The following FBXO40 variants were observed in gnomAD, a reference collection of about 807,000 sequenced individuals.
FBXO40 encodes F-box only protein 40.
In FBXO40, 50 loss-of-function variants were observed where a neutral mutation model predicts 49.9. The observed-to-expected ratio is 1.00, with a 90% CI of 0.80 to 1.27. The LOEUF is 1.27. FBXO40 is among the 50% of genes most tolerant of loss of function. The pLI, the probability that FBXO40 is intolerant of heterozygous loss-of-function variation, is 0.00. For synonymous variants in FBXO40, 340 were observed against 320.2 expected, an observed-to-expected ratio of 1.06 and a Z score of -0.66; for missense variants, 895 against 870.1, an observed-to-expected ratio of 1.03 and a Z score of -0.36.
intron 1 of FBXO40, among the ~76,000 whole-genome samples, chr3:121,595,982 G>A (rs115814694): frequency 3.7e-3 from 567 of 152,236 alleles, no homozygotes; most frequent in Non-Finnish European, 5.9e-3. Context: ...GTGCTGAGAG[G>A]GCCCCTTGCC....
intron 1 of FBXO40, among the ~76,000 whole-genome samples, chr3:121,612,855 G>T (rs1238851708): frequency 6.6e-6 from 1 of 151,996 alleles, no homozygotes; most frequent in African/African-American, 2.4e-5. Context: ...AGATCACGAG[G>T]TCAGTGAATC....
At position 121,629,804 on chromosome 3, in the gene FBXO40, T is replaced by C. The variant is rs1447508984; in HGVS notation, c.*2894T>C. 2.0e-5 allele frequency: 3 copies of C among 152,116 alleles called. No individual in the cohort carries two copies. The highest frequency in any genetic ancestry group is 1.3e-4 in the Admixed American group (2 of 15,280). The allele number at this position is 152,116 out of a possible 1,614,324, so 9.4% of individuals were successfully genotyped here. A position where few individuals can be genotyped will look rare whatever the true frequency, so the allele number is the denominator to read the frequency against. ...AGAGAGACTATGGATTAGACAGAAATGATTTGTGAGAGGAAGCTGGAGTGA... is the reference window on the plus strand; with the variant it reads ...AGAGAGACTATGGATTAGACAGAAACGATTTGTGAGAGGAAGCTGGAGTGA... On this transcript the variant is annotated 3_prime_UTR_variant, in exon 4 of 4. Transcript: ENST00000338040.
chr3:121,601,361 A>G (rs1470810184), intron 1 of FBXO40, among the ~76,000 whole-genome samples: 2 of 151,984 alleles, frequency 1.3e-5, no homozygotes, highest in Non-Finnish European at 2.9e-5. Context: ...AAAGTCACTC[A>G]TCGGGTGTAG....
rs1462548717 is a variant in FBXO40, at chr3:121,628,360, C to G, written c.*1450C>G. On this transcript the variant is annotated 3_prime_UTR_variant, in exon 4 of 4. Transcript: ENST00000338040. The stretch of plus-strand genomic sequence containing the variant: ...TATTTTTAGTAGAGACGGGCTTTCT[C>G]CATGTTGTTCAGGCTGGTCTCAAAC... 6.6e-6 allele frequency: 1 copy of G among 152,392 alleles called. No homozygotes were observed. The highest frequency in any genetic ancestry group is 2.4e-5 in the African/African-American group (1 of 41,424). The allele number at this position is 152,392 out of a possible 1,614,324, so 9.4% of individuals were successfully genotyped here. A position where few individuals can be genotyped will look rare whatever the true frequency, so the allele number is the denominator to read the frequency against.
chr3:121,610,949 G>A (rs139015466), intron 1 of FBXO40, among the ~76,000 whole-genome samples: 6 of 152,324 alleles, frequency 3.9e-5, no homozygotes, highest in Admixed American at 3.9e-4. Flanking sequence ...GTCAGGAACT[G>A]CTGTACCTCC....
chr3:121,626,522 A>T (rs897290060), intron 3 of FBXO40, among the ~76,000 whole-genome samples, 173 bp from the exon 4 acceptor site: 1 of 152,010 alleles, frequency 6.6e-6, no homozygotes, highest in African/African-American at 2.4e-5. Flanking sequence ...TGGCAGGGGG[A>T]ACTAGGAATT....
intron 1 of FBXO40, among the ~76,000 whole-genome samples, chr3:121,596,601 C>G (rs2048874120): frequency 6.6e-6 from 1 of 152,158 alleles, no homozygotes; most frequent in South Asian, 2.1e-4. Context: ...TTAATATCTG[C>G]CTGATCCAGA....
chr3:121,616,825 A>C (rs750742386), intron 1 of FBXO40, among the ~76,000 whole-genome samples: 1 of 152,236 alleles, frequency 6.6e-6, no homozygotes, highest in Non-Finnish European at 1.5e-5. Flanking sequence ...CAGATTAAAG[A>C]GGCTAAAAAG....
Position 121,628,568 on chromosome 3 carries a change from A to G in FBXO40, c.*1658A>G, listed in dbSNP as rs575937631. ...TGTCAGTAGCACCCCCACAGTGGCA[A>G]CAATCAAAAATGTCACCAGACATTG... On this transcript the variant is annotated 3_prime_UTR_variant, in exon 4 of 4. Transcript: ENST00000338040. 1 of 152,300 alleles carries G rather than the reference A, an allele frequency of 6.6e-6. No homozygotes were observed. The highest frequency in any genetic ancestry group is 2.1e-4 in the South Asian group (1 of 4,820). 9.4% of individuals were successfully genotyped at this position (152,300 alleles called of 1,614,324 possible).
intron 1 of FBXO40, among the ~76,000 whole-genome samples, chr3:121,598,440 T>TC (rs2048884208): frequency 1.3e-5 from 2 of 152,326 alleles, no homozygotes; most frequent in African/African-American, 4.8e-5. Flanking sequence ...AATAGGAGCT[T>TC]TAAAATTCCC....
chr3:121,626,969 G>A lies in FBXO40; in HGVS notation c.*59G>A. On this transcript the variant is annotated 3_prime_UTR_variant, in exon 4 of 4. Transcript: ENST00000338040. The stretch of plus-strand genomic sequence containing the variant: ...ATTTCTTCTCGGAGTTCCTGAAGTA[G>A]GACAGAGTGTGTGGTTTTGAGGACT... The A allele has an allele frequency of 2.0e-6, 3 of 1,535,494 alleles. No individual in the cohort carries two copies. Among genetic ancestry groups the A allele is most frequent in the South Asian group, 2.3e-5 (2 of 88,452 alleles).
At chr3:121,598,702 T>C (rs1388592433) in intron 1 of FBXO40, among the ~76,000 whole-genome samples, 1 of 152,100 alleles carries the variant, frequency 6.6e-6, no homozygotes. Flanking sequence ...GTGGGCAGAA[T>C]TTGCCCACTC....
In FBXO40 at chr3:121,622,786, G is replaced by T; in HGVS notation, c.1357G>T (p.Gly453Trp). ...GGCTGACCTAACCGCTGCCACCCCA[G>T]GGGGACTCCACGTGGAGCTCCACAG... ...VLADLTAATP[G>W]GLHVELHSEC... is the part of the protein sequence containing the mutation. The change falls in exon 3 of 4, where the codon GGG (glycine) becomes TGG (tryptophan). Residue 453 changes from glycine (G) to tryptophan (W), a missense_variant. Physicochemically the swap from Gly to Trp is radical, Grantham distance 184 (BLOSUM62 -2). Coordinates refer to ENST00000338040, the MANE Select transcript of FBXO40 (RefSeq NM_016298.4). The T allele has an allele frequency of 6.2e-7, 1 of 1,614,090 alleles. No individual in the cohort carries two copies. Among genetic ancestry groups the T allele is most frequent in the Non-Finnish European group, 8.5e-7 (1 of 1,180,006 alleles).
intron 1 of FBXO40, among the ~76,000 whole-genome samples, chr3:121,597,620 T>C (rs770980371): frequency 5.9e-5 from 9 of 151,540 alleles, no homozygotes; most frequent in Non-Finnish European, 1.3e-4. Flanking sequence ...TTTCATCTCA[T>C]TGGATCCTTG....
intron 3 of FBXO40, among the ~76,000 whole-genome samples, chr3:121,624,503 TC>T (rs2049051560): frequency 6.6e-6 from 1 of 152,154 alleles, no homozygotes; most frequent in South Asian, 2.1e-4. Flanking sequence ...ACCCTGTCTG[TC>T]CCCCAGGAGG....
At chr3:121,604,967 TTTATTTA>T (rs760112128) in intron 1 of FBXO40, among the ~76,000 whole-genome samples, 97 of 129,494 alleles carry the variant, frequency 7.5e-4, no homozygotes, top group African/African-American at 1.2e-3. Context: ...TATTTATTTA[TTTATTTA>T]TTATTTATTT....
rs1418148641 is a variant in FBXO40 at position 121,622,199 on chromosome 3, T to C, written c.770T>C (p.Met257Thr). 1.9e-6 allele frequency: 3 copies of C among 1,613,554 alleles called. No individual in the cohort carries two copies. In the South Asian group the frequency reaches 3.3e-5, roughly 18 times the overall value. Residue 257 changes from methionine to threonine, a missense_variant, in exon 3 of 4, where the codon ATG (methionine) becomes ACG (threonine). By Grantham distance (81) the Met-to-Thr change is moderately conservative. Transcript: ENST00000338040. ...EKEQISSGHN[M>T]VEGEGAPKKK... ...GAACAGATTTCCAGTGGCCATAACA[T>C]GGTAGAAGGAGAGGGCGCTCCCAAA...
rs1177863939 is a variant in FBXO40 at position 121,622,923 on chromosome 3, C to A, written c.1494C>A (p.Asp498Glu). The A allele has an allele frequency of 1.9e-6, 3 of 1,614,208 alleles. No individual in the cohort carries two copies. The highest frequency in any genetic ancestry group is 2.5e-6 in the Non-Finnish European group (3 of 1,180,040). The change falls in exon 3 of 4, where the codon GAC (aspartate) becomes GAA (glutamate). Residue 498 changes from aspartate to glutamate, a missense_variant. By Grantham distance (45) the Asp-to-Glu change is conservative. Transcript: ENST00000338040. ...TGCACTTCAAGAATGTCCACACAGA[C>A]ATTCAGTCATGTCTCAATGGCTGGT... ...FPLHFKNVHT[D>E]IQSCLNGWFQ...
At chr3:121,625,450 C>T (rs1230096370) in intron 3 of FBXO40, among the ~76,000 whole-genome samples, 1 of 152,172 alleles carries the variant, frequency 6.6e-6, no homozygotes, top group Non-Finnish European at 1.5e-5. Flanking sequence ...TATTCCTGAG[C>T]AGTCTTCCTC....
Sources: gnomAD v4.1 joint callset for allele counts (sites outside exome capture counted in the v4.1 genomes callset) on GRCh38, gnomAD v4.1.1 for gene constraint, MANE v1.5 for transcripts, NCBI Gene and HGNC (gene_info 2026-07-23, HGNC 2026-07-21) for gene names.